The following ACACA variants were observed in gnomAD, a reference collection of about 807,000 sequenced individuals.
ACACA encodes acetyl-CoA carboxylase 1.
A neutral mutation model predicts 296.1 loss-of-function variants in ACACA; 103 were observed. The ratio of observed to expected loss-of-function variants is 0.35; its 90% CI spans 0.30 to 0.41. The LOEUF (loss-of-function observed/expected upper bound fraction) is 0.41, where lower values mean the gene tolerates loss of function less well. Ranked by LOEUF, ACACA falls within the 10% of genes least tolerant of loss-of-function variation. The pLI, the probability that ACACA is intolerant of heterozygous loss-of-function variation, is 1.00. For synonymous variants in ACACA, 953 were observed against 1,038.6 expected (o/e 0.92, Z 1.58); for missense variants, 1,554 against 2,989.7 (o/e 0.52, Z 11.20).
At position 37,378,107 on chromosome 17, in the gene ACACA, G is replaced by A. The variant is rs912328088; in HGVS notation, c.38+28155C>T. 1.7e-5 allele frequency: 12 copies of A among 695,390 alleles called. No homozygotes were observed. In the African/African-American group the frequency reaches 2.0e-4, roughly 12 times the overall value. The allele number at this position is 695,390 out of a possible 1,614,324, so 43.1% of individuals were successfully genotyped here. A position where few individuals can be genotyped will look rare whatever the true frequency, so the allele number is the denominator to read the frequency against. ...TATGTATCCTCCCAGGGGGCTTTCT[G>A]GAAACCAATCTTTAAATTAACTGTC... On this transcript the variant is annotated intron_variant, in intron 1 of 55. Coordinates refer to ENST00000616317, the MANE Select transcript of ACACA (RefSeq NM_198834.3).
At chr17:37,330,087 C>G in intron 3 of ACACA, 86 bp downstream of exon 3, 1 of 1,547,780 alleles carries the variant, frequency 6.5e-7, no homozygotes, top group Non-Finnish European at 8.9e-7. Context: ...GCAGTCTTAG[C>G]TGAAATCATC....
chr17:37,192,297 C>T lies in ACACA; in HGVS notation c.4209G>A (p.Glu1403=). 2 of 1,613,850 alleles carry T rather than the reference C, an allele frequency of 1.2e-6. No homozygotes were observed. Among genetic ancestry groups the T allele is most frequent in the Non-Finnish European group, 1.7e-6 (2 of 1,179,978 alleles). ...GCTCCAGATGACGATAGATACGATC[C>T]TCCTCAAACTGAGTACAAGAATCAG... is the stretch of plus-strand genomic sequence containing the variant. ...FTFRARDKFE[E]DRIYRHLEPA... Residue 1403 remains glutamate (E), a synonymous_variant, in exon 37 of 56, where the codon GAG becomes GAA. Coordinates refer to ENST00000616317, the MANE Select transcript of ACACA (RefSeq NM_198834.3).
At chr17:37,207,862 A>T (rs533531075) in intron 30 of ACACA, 62 bp from the exon 31 acceptor site, 1 of 1,584,058 alleles carries the variant, frequency 6.3e-7, no homozygotes, top group South Asian at 1.1e-5. Flanking sequence ...CTGGGAAAGT[A>T]ACAGTAGGGA....
chr17:37,319,756 G>A (rs372791244), intron 3 of ACACA, among the ~76,000 whole-genome samples: 1 of 151,978 alleles, frequency 6.6e-6, no homozygotes, highest in Non-Finnish European at 1.5e-5. Context: ...TTCAAAACCA[G>A]CCTGGCCAAG....
chr17:37,306,301 A>T (rs984959035), intron 3 of ACACA, among the ~76,000 whole-genome samples: 2 of 152,120 alleles, frequency 1.3e-5, no homozygotes, highest in Admixed American at 1.3e-4. Context: ...CAAGTTTGTC[A>T]ATCTTCATAA....
chr17:37,342,569 T>C (rs1420853708), intron 1 of ACACA, among the ~76,000 whole-genome samples: 1 of 150,784 alleles, frequency 6.6e-6, no homozygotes, highest in East Asian at 1.9e-4. Context: ...TTGGAGACTC[T>C]TGAAAATTTT....
rs200293923 is a variant in ACACA, at chr17:37,229,756, G to A, written c.3247-3304C>T. Among the ~76,000 whole-genome samples, 34 of 152,024 alleles carry A rather than the reference G, an allele frequency of 2.2e-4. No individual in the cohort carries two copies. The East Asian group carries it at 5.6e-3, about 25-fold the overall frequency. On this transcript the variant is annotated intron_variant, in intron 25 of 55. Coordinates refer to ENST00000616317, the MANE Select transcript of ACACA (RefSeq NM_198834.3). ...AAAAACAACAGTATGTGTAAGAAAAGCGAACTATGGAGATTAGAAAAAATA... is the reference window on the plus strand; with the variant it reads ...AAAAACAACAGTATGTGTAAGAAAAACGAACTATGGAGATTAGAAAAAATA...
At chr17:37,145,041 A>G (rs1292036713) in intron 45 of ACACA, among the ~76,000 whole-genome samples, 1 of 152,204 alleles carries the variant, frequency 6.6e-6, no homozygotes, top group African/African-American at 2.4e-5. Flanking sequence ...AGTAGGCTCC[A>G]GTACACATCA....
intron 11 of ACACA, among the ~76,000 whole-genome samples, chr17:37,260,057 T>A (rs894931829): frequency 6.7e-6 from 1 of 149,998 alleles, no homozygotes. Flanking sequence ...AATTTTTGTA[T>A]TTTTGGTAGA....
At chr17:37,322,253 A>C (rs1046984201) in intron 3 of ACACA, among the ~76,000 whole-genome samples, 1 of 152,230 alleles carries the variant, frequency 6.6e-6, no homozygotes, top group East Asian at 1.9e-4. Flanking sequence ...TATTGTCTTG[A>C]ACCCCAGTGA....
chr17:37,166,721 C>T (rs900115568), intron 41 of ACACA, among the ~76,000 whole-genome samples: 3 of 152,146 alleles, frequency 2.0e-5, no homozygotes, highest in African/African-American at 4.8e-5. Flanking sequence ...ACCTTGGACA[C>T]TTAACCTTTT....
chr17:37,371,371 C>T (rs1203021025), intron 1 of ACACA, among the ~76,000 whole-genome samples: 1 of 151,870 alleles, frequency 6.6e-6, no homozygotes, highest in Non-Finnish European at 1.5e-5. Flanking sequence ...AGCCACGACG[C>T]CCGGCTGATA....
At chr17:37,243,709 C>G in intron 21 of ACACA, 150 bp from the exon 22 acceptor site, 1 of 776,370 alleles carries the variant, frequency 1.3e-6, no homozygotes, top group Non-Finnish European at 2.2e-6. Context: ...CCCTACGGAA[C>G]CCATGTATAG....
intron 47 of ACACA, among the ~76,000 whole-genome samples, chr17:37,128,050 A>C (rs867027735): frequency 4.7e-5 from 7 of 149,626 alleles, no homozygotes; most frequent in South Asian, 4.2e-4. Context: ...AAAAAAAAAA[A>C]AAAACAGTAG....
chr17:37,272,086 G>A (rs775555356), intron 9 of ACACA, among the ~76,000 whole-genome samples: 4 of 152,100 alleles, frequency 2.6e-5, no homozygotes, highest in Non-Finnish European at 5.9e-5. Flanking sequence ...CTTCACACCT[G>A]TAATCCCAGC....
At chr17:37,118,281 T>C (rs1048964546) in intron 50 of ACACA, among the ~76,000 whole-genome samples, 11 of 152,172 alleles carry the variant, frequency 7.2e-5, no homozygotes, top group Non-Finnish European at 4.4e-5. Flanking sequence ...TGGGTACTTA[T>C]TGTTTAAGGG....
At position 37,259,344 on chromosome 17, in the gene ACACA, G is replaced by C. The variant is rs763909261; in HGVS notation, c.1500+16C>G. 1.2e-6 allele frequency: 2 copies of C among 1,613,978 alleles called. No homozygotes were observed. Among genetic ancestry groups the C allele is most frequent in the African/African-American group, 1.3e-5 (1 of 75,008 alleles). On this transcript the variant is annotated intron_variant, in intron 12 of 55. Coordinates refer to ENST00000616317, the MANE Select transcript of ACACA (RefSeq NM_198834.3). ...TGACTTTTCTAGGCTCTGCAACCCA[G>C]ATCAGGGAGACTCACCTGGAGCTGT... is the stretch of plus-strand genomic sequence containing the variant.
intron 9 of ACACA, 64 bp from the exon 10 acceptor site, chr17:37,270,925 G>T: frequency 8.0e-7 from 1 of 1,250,224 alleles, no homozygotes; most frequent in Non-Finnish European, 1.2e-6. Flanking sequence ...GAGAAAACTG[G>T]CATTTTTCTC....
At chr17:37,205,119 T>G (rs1837359827) in intron 33 of ACACA, among the ~76,000 whole-genome samples, 1 of 152,164 alleles carries the variant, frequency 6.6e-6, no homozygotes, top group African/African-American at 2.4e-5. Context: ...CCTTGGTGAC[T>G]GACCAGATAC....
Sources: gnomAD v4.1 joint callset for allele counts (sites outside exome capture counted in the v4.1 genomes callset) on GRCh38, gnomAD v4.1.1 for gene constraint, MANE v1.5 for transcripts, NCBI Gene and HGNC (gene_info 2026-07-23, HGNC 2026-07-21) for gene names.